TNC: variants seen among roughly 807,000 people sequenced by gnomAD.
The protein encoded by TNC is tenascin.
In TNC, 109 loss-of-function variants were observed where a neutral mutation model predicts 202.4. The ratio of observed to expected loss-of-function variants is 0.54; its 90% CI spans 0.46 to 0.63. The LOEUF (loss-of-function observed/expected upper bound fraction) is 0.63, where lower values mean the gene tolerates loss of function less well. Ranked by LOEUF, TNC falls within the 30% of genes least tolerant of loss-of-function variation. The pLI is 0.00. For synonymous variants in TNC, 1,007 were observed against 1,089.7 expected (o/e 0.92, Z 1.50); for missense variants, 2,756 against 2,833.3 (o/e 0.97, Z 0.62).
chr9:115,107,033 T>C (rs1024085767), intron 1 of TNC, among the ~76,000 whole-genome samples: 2 of 152,104 alleles, frequency 1.3e-5, no homozygotes, highest in Non-Finnish European at 2.9e-5. Context: ...TTCTTTTAGG[T>C]ATAGAGTTTG....
intron 1 of TNC, among the ~76,000 whole-genome samples, chr9:115,116,105 T>G (rs1425028274): frequency 6.6e-6 from 1 of 152,188 alleles, no homozygotes; most frequent in Non-Finnish European, 1.5e-5. Flanking sequence ...CTGTGAGACA[T>G]AGTTTGTCAT....
chr9:115,041,424 C>T (rs1415317350), intron 18 of TNC, among the ~76,000 whole-genome samples: 1 of 152,066 alleles, frequency 6.6e-6, no homozygotes, highest in African/African-American at 2.4e-5. Flanking sequence ...ATATGGGAAG[C>T]TTACTATGTA....
intron 14 of TNC, 56 bp from the exon 15 acceptor site, chr9:115,057,481 G>A: frequency 6.6e-7 from 1 of 1,511,070 alleles, no homozygotes. Context: ...TAATTATTTG[G>A]CTGTGTTTTA....
At chr9:115,077,457 T>A (rs1249536554) in intron 7 of TNC, among the ~76,000 whole-genome samples, 1 of 152,250 alleles carries the variant, frequency 6.6e-6, no homozygotes, top group Non-Finnish European at 1.5e-5. Context: ...TGCCAAGTGC[T>A]GGGATTACAG....
At chr9:115,070,618 C>A (rs1305913715) in intron 10 of TNC, among the ~76,000 whole-genome samples, 1 of 152,226 alleles carries the variant, frequency 6.6e-6, no homozygotes, top group Non-Finnish European at 1.5e-5. Context: ...CAGTAAAACC[C>A]TGGAATTCCC....
chr9:115,106,999 T>C (rs1027460435), intron 1 of TNC, among the ~76,000 whole-genome samples: 1 of 152,160 alleles, frequency 6.6e-6, no homozygotes, highest in African/African-American at 2.4e-5. Flanking sequence ...TACAAATGAA[T>C]AACTTTTAAT....
At position 115,026,706 on chromosome 9, in the gene TNC, C is replaced by T. The variant is rs147612684; in HGVS notation, c.6170-11G>A. 320 of 1,613,150 alleles carry T rather than the reference C, an allele frequency of 2.0e-4. 3 individuals are homozygous for T. The East Asian group carries it at 7.0e-3, about 35-fold the overall frequency. ...TCAGGTTGTCCAGCCCTGTGGATGA[C>T]AGGCAAGGGTTGCTAAGAAGCACAG... On this transcript the variant is annotated splice_polypyrimidine_tract_variant and intron_variant, in intron 25 of 27. Transcript: ENST00000350763.
intron 10 of TNC, among the ~76,000 whole-genome samples, chr9:115,066,551 G>A (rs953524502): frequency 6.6e-6 from 1 of 152,054 alleles, no homozygotes; most frequent in Non-Finnish European, 1.5e-5. Flanking sequence ...AAGTTCTGGG[G>A]AACATTCTTC....
chr9:115,098,938 ATT>A (rs35624621), intron 1 of TNC, among the ~76,000 whole-genome samples: 38,643 of 127,176 alleles, frequency 0.3, 6,103 homozygotes, highest in East Asian at 0.63. Context: ...TTAAGTGTGT[ATT>A]TTTTTTTTTT....
At position 115,029,387 on chromosome 9, in the gene TNC, C is replaced by T; in HGVS notation, c.6142G>A (p.Gly2048Arg). The change falls in exon 25 of 28, where the codon GGG (glycine) becomes AGG (arginine). Residue 2048 changes from glycine to arginine, a missense_variant. Gly to Arg is a moderately radical substitution (Grantham distance 125, BLOSUM62 -2). Around this residue, in one of 2 missense-constraint regions of TNC, gnomAD observed 197 missense variants for 287.3 expected, o/e 0.69. Transcript: ENST00000350763. ...QNWKAYAAGF[G>R]DRREEFWLGL... is the part of the protein sequence containing the mutation. ...AGCCAGAATTCTTCTCTGCGGTCCC[C>T]AAATCCAGCAGCATATGCCTTCCAG... 3 of 1,614,096 alleles carry T rather than the reference C, an allele frequency of 1.9e-6. No individual in the cohort carries two copies. Among genetic ancestry groups the T allele is most frequent in the Non-Finnish European group, 2.5e-6 (3 of 1,180,012 alleles).
In TNC at chr9:115,084,467, G is replaced by A. The variant is rs780177095; in HGVS notation, c.1873C>T (p.Pro625Ser). 1.2e-5 allele frequency: 19 copies of A among 1,613,806 alleles called. No individual in the cohort carries two copies. The Admixed American group carries it at 2.0e-4, about 17-fold the overall frequency. Residue 625 changes from proline (P) to serine (S), a missense_variant, in exon 4 of 28, where the codon CCT (proline) becomes TCT (serine). Transcript: ENST00000350763. ...YSGEDCSEVSPPKDLVVTEVT... is the reference protein window; with the variant it reads ...YSGEDCSEVSSPKDLVVTEVT... The stretch of plus-strand genomic sequence containing the variant: ...TCTGTCACAACGAGGTCTTTGGGAG[G>A]AGACACTGGCAGGAATAAGAAAGGA...
chr9:115,086,032 A>G lies in TNC; in HGVS notation c.1699T>C (p.Cys567Arg), dbSNP rs750075241. The G allele has an allele frequency of 6.2e-7, 1 of 1,614,160 alleles. No homozygotes were observed. Among genetic ancestry groups the G allele is most frequent in the South Asian group, 1.1e-5 (1 of 91,068 alleles). ...TCCACGCAGCGGCCCTGGCCATGACAGTCACTGGGACATCTTTGCTCCTTG... is the reference window on the plus strand; with the variant it reads ...TCCACGCAGCGGCCCTGGCCATGACGGTCACTGGGACATCTTTGCTCCTTG... ...DCKEQRCPSD[C>R]HGQGRCVDGQ... Residue 567 changes from cysteine to arginine, a missense_variant, in exon 3 of 28, where the codon TGT becomes CGT. This residue lies in a region of TNC where 2,559 missense variants were observed against 2,546.0 expected (regional missense o/e 1.01). Coordinates refer to ENST00000350763, the MANE Select transcript of TNC (RefSeq NM_002160.4).
intron 1 of TNC, among the ~76,000 whole-genome samples, chr9:115,109,262 G>T (rs1836858525): frequency 6.6e-6 from 1 of 152,162 alleles, no homozygotes; most frequent in African/African-American, 2.4e-5. Flanking sequence ...CATTTATATT[G>T]AATGCCAGTT....
chr9:115,076,002 A>C, intron 9 of TNC, 30 bp downstream of exon 9: 1 of 1,589,350 alleles, frequency 6.3e-7, no homozygotes, highest in Non-Finnish European at 8.6e-7. Context: ...GCACCAGCTC[A>C]GTGGGATGGG....
Position 115,048,448 on chromosome 9 carries a change from G to A in TNC, c.4664C>T (p.Ala1555Val). ...FTVSWMASEN[A>V]FDSFLVTVVD... ...CACCGTTACTAGAAAGCTGTCAAAG[G>A]CATTCTCCGATGCCATCCAGGAAAC... is the stretch of plus-strand genomic sequence containing the variant. The change falls in exon 16 of 28, where the codon GCC becomes GTC. Residue 1555 changes from alanine (A) to valine (V), a missense_variant. Transcript: ENST00000350763. 1.2e-6 allele frequency: 2 copies of A among 1,614,004 alleles called. No homozygotes were observed. Among genetic ancestry groups the A allele is most frequent in the Non-Finnish European group, 8.5e-7 (1 of 1,179,942 alleles).
chr9:115,104,483 C>T (rs1222388474), intron 1 of TNC, among the ~76,000 whole-genome samples: 1 of 152,138 alleles, frequency 6.6e-6, no homozygotes. Flanking sequence ...GAGACAGGGG[C>T]ATTGCCTTTA....
intron 14 of TNC, among the ~76,000 whole-genome samples, chr9:115,058,000 AT>A (rs1832265089): frequency 6.6e-6 from 1 of 152,068 alleles, no homozygotes; most frequent in Admixed American, 6.5e-5. Context: ...AATTCTTGGT[AT>A]TTTTTTCATA....
intron 1 of TNC, among the ~76,000 whole-genome samples, chr9:115,116,747 CATT>C (rs1180950724): frequency 6.6e-6 from 1 of 152,166 alleles, no homozygotes; most frequent in Non-Finnish European, 1.5e-5. Flanking sequence ...CAAAATTTGA[CATT>C]AACTTCCAGC....
At chr9:115,055,045 A>T (rs1588077150) in intron 15 of TNC, among the ~76,000 whole-genome samples, 1 of 152,156 alleles carries the variant, frequency 6.6e-6, no homozygotes, top group East Asian at 1.9e-4. Context: ...GCTAGAGAGA[A>T]AAAGAGTGTA....
Sources: allele counts gnomAD v4.1 joint callset (sites outside exome capture counted in the v4.1 genomes callset), GRCh38; gene constraint gnomAD v4.1.1; regional missense constraint gnomAD v4.1.1; transcripts MANE v1.5; gene names NCBI Gene and HGNC (gene_info 2026-07-23, HGNC 2026-07-21).